Variants in SLC71A2 observed in about 807,000 individuals in gnomAD.
SLC71A2 encodes hippocampus abundant transcript-like 1.
the SLC71A2 span, among the ~76,000 whole-genome samples, chr9:94,416,902 G>A: frequency 2.0e-5 from 3 of 151,620 alleles, no homozygotes; most frequent in South Asian, 6.3e-4. Flanking sequence ...TATAACTTGG[G>A]TGGAACACAG....
At chr9:94,415,331 A>G in the SLC71A2 span, 2,531 of 1,016,542 alleles carry the variant, frequency 2.5e-3, 6 homozygotes, top group Non-Finnish European at 3.1e-3. Flanking sequence ...GTGTATGTCT[A>G]GATACGTGTT....
At chr9:94,416,866 A>T in the SLC71A2 span, among the ~76,000 whole-genome samples, 1 of 152,136 alleles carries the variant, frequency 6.6e-6, no homozygotes, top group Non-Finnish European at 1.5e-5. Flanking sequence ...AAAAAAAAAA[A>T]AAAATACAGT....
the SLC71A2 span, chr9:94,374,535 T>G: frequency 1.3e-5 from 2 of 152,210 alleles, no homozygotes; most frequent in South Asian, 4.1e-4. Flanking sequence ...CGGGGCACAG[T>G]CTCTTAACCG....
chr9:94,381,833 C>T, the SLC71A2 span, among the ~76,000 whole-genome samples: 1 of 152,102 alleles, frequency 6.6e-6, no homozygotes, highest in Non-Finnish European at 1.5e-5. Flanking sequence ...AAATAAATTG[C>T]CAAACTAATT....
chr9:94,413,254 A>AT, the SLC71A2 span, among the ~76,000 whole-genome samples: 1 of 152,198 alleles, frequency 6.6e-6, no homozygotes, highest in South Asian at 2.1e-4. Flanking sequence ...AATGGGAAAA[A>AT]TGGCAACATT....
the SLC71A2 span, among the ~76,000 whole-genome samples, chr9:94,418,560 C>T: frequency 1.8e-4 from 28 of 151,884 alleles, no homozygotes; most frequent in South Asian, 3.3e-3. Context: ...CTCAGCCTCC[C>T]GAGTAGCTGG....
chr9:94,441,548 A>G, the SLC71A2 span, among the ~76,000 whole-genome samples: 2 of 152,212 alleles, frequency 1.3e-5, no homozygotes, highest in Non-Finnish European at 2.9e-5. Context: ...GGGGATTACA[A>G]TTGAACATTT....
At chr9:94,459,452 G>T in the SLC71A2 span, 1 of 1,606,884 alleles carries the variant, frequency 6.2e-7, no homozygotes, top group Non-Finnish European at 8.5e-7. Context: ...CCATCTCTGA[G>T]AGCCATGGAG....
the SLC71A2 span, among the ~76,000 whole-genome samples, chr9:94,393,669 GT>G: frequency 7.0e-6 from 1 of 143,130 alleles, no homozygotes; most frequent in African/African-American, 2.6e-5. Context: ...GATAATAATA[GT>G]TCCTATCTCA....
At chr9:94,452,678 C>CATATATTCATATATATTCATATATTCAT in the SLC71A2 span, among the ~76,000 whole-genome samples, 21 of 47,592 alleles carry the variant, frequency 4.4e-4, no homozygotes, top group East Asian at 1.6e-3. Flanking sequence ...CATATATATT[C>CATATATTCATATATATTCATATATTCAT]ATATATTCAT....
the SLC71A2 span, among the ~76,000 whole-genome samples, chr9:94,420,222 C>CGT: frequency 6.6e-6 from 1 of 152,184 alleles, no homozygotes; most frequent in Non-Finnish European, 1.5e-5. Context: ...CCTCCTACAA[C>CGT]TACCTGTTAT....
the SLC71A2 span, among the ~76,000 whole-genome samples, chr9:94,406,810 G>T: frequency 6.6e-6 from 1 of 152,000 alleles, no homozygotes; most frequent in African/African-American, 2.4e-5. Context: ...TTTGTGTGTG[G>T]AATTTTTAGG....
At chr9:94,445,589 G>A in the SLC71A2 span, among the ~76,000 whole-genome samples, 3 of 152,024 alleles carry the variant, frequency 2.0e-5, no homozygotes, top group Non-Finnish European at 4.4e-5. Flanking sequence ...CGTTTAATTT[G>A]TTTGTTACAG....
chr9:94,420,903 A>G, the SLC71A2 span, among the ~76,000 whole-genome samples: 1 of 152,178 alleles, frequency 6.6e-6, no homozygotes, highest in African/African-American at 2.4e-5. Flanking sequence ...TGTCTCAAAA[A>G]AATTAAAGTT....
At chr9:94,452,631 A>ATT in the SLC71A2 span, among the ~76,000 whole-genome samples, 1 of 93,256 alleles carries the variant, frequency 1.1e-5, no homozygotes, top group Non-Finnish European at 2.1e-5. Flanking sequence ...ATATATATAT[A>ATT]TTTTCATATA....
At chr9:94,421,935 A>C in the SLC71A2 span, among the ~76,000 whole-genome samples, 2 of 150,534 alleles carry the variant, frequency 1.3e-5, no homozygotes, top group Non-Finnish European at 2.9e-5. Context: ...TTCCTCCGAG[A>C]CAGAGCCTGG....
chr9:94,451,372 G>T, the SLC71A2 span: 1 of 669,480 alleles, frequency 1.5e-6, no homozygotes, highest in Non-Finnish European at 2.3e-6. Flanking sequence ...AATTTTCCTA[G>T]ACTTATCATT....
the SLC71A2 span, among the ~76,000 whole-genome samples, chr9:94,422,576 A>C: frequency 6.6e-6 from 1 of 152,162 alleles, no homozygotes; most frequent in Non-Finnish European, 1.5e-5. Context: ...ATGTAGTGCT[A>C]AAAGTTTTCC....
At chr9:94,401,884 G>A in the SLC71A2 span, among the ~76,000 whole-genome samples, 2 of 152,212 alleles carry the variant, frequency 1.3e-5, no homozygotes, top group African/African-American at 4.8e-5. Flanking sequence ...AGGGCTGCTG[G>A]TGCCCATTTT....
Sources: allele counts gnomAD v4.1 joint callset (sites outside exome capture counted in the v4.1 genomes callset), GRCh38; gene constraint gnomAD v4.1.1; transcripts MANE v1.5; gene names NCBI Gene and HGNC (gene_info 2026-07-23, HGNC 2026-07-21).